Variants in SLC22A15 observed in about 807,000 individuals in gnomAD.
The protein encoded by SLC22A15 is flipt 1.
Under a neutral mutation model 62.7 loss-of-function variants are expected in SLC22A15, and 45 were observed. The ratio of observed to expected loss-of-function variants is 0.72; its 90% CI spans 0.56 to 0.92. The LOEUF is 0.92. Ranked by LOEUF, SLC22A15 falls within the 40% of genes least tolerant of loss-of-function variation. The pLI, the probability that SLC22A15 is intolerant of heterozygous loss-of-function variation, is 0.00. For synonymous variants in SLC22A15, 264 were observed against 267.0 expected (o/e 0.99, Z 0.11); for missense variants, 622 against 665.6 (o/e 0.93, Z 0.72).
chr1:115,985,643 AT>A (rs2101064579), intron 1 of SLC22A15, among the ~76,000 whole-genome samples: 1 of 152,054 alleles, frequency 6.6e-6, no homozygotes, highest in East Asian at 1.9e-4. Context: ...TGGTGTTACC[AT>A]TTTACTTGAA....
At chr1:116,024,208 G>C (rs528333940) in intron 4 of SLC22A15, among the ~76,000 whole-genome samples, 151 of 152,308 alleles carry the variant, frequency 9.9e-4, no homozygotes, top group African/African-American at 3.3e-3. Flanking sequence ...GAAGAAAGAG[G>C]ATGTGTCTGA....
At chr1:116,038,360 G>T (rs1433525191) in intron 8 of SLC22A15, among the ~76,000 whole-genome samples, 1 of 152,102 alleles carries the variant, frequency 6.6e-6, no homozygotes, top group Non-Finnish European at 1.5e-5. Flanking sequence ...GCTTCTTGTG[G>T]TTCATTTCTG....
chr1:116,054,488 C>G (rs1393982026), intron 8 of SLC22A15, among the ~76,000 whole-genome samples: 1 of 152,090 alleles, frequency 6.6e-6, no homozygotes. Context: ...CAACATTAGA[C>G]AGATCAACGA....
chr1:116,005,397 C>T (rs1655927199), intron 2 of SLC22A15, among the ~76,000 whole-genome samples: 1 of 152,052 alleles, frequency 6.6e-6, no homozygotes, highest in African/African-American at 2.4e-5. Flanking sequence ...TAGGATTGAT[C>T]TCCATAGGAT....
intron 1 of SLC22A15, among the ~76,000 whole-genome samples, chr1:115,981,563 T>C (rs1013492359): frequency 4.6e-5 from 7 of 152,140 alleles, no homozygotes; most frequent in African/African-American, 1.7e-4. Flanking sequence ...GGAAAACTGT[T>C]GTTGTCCATA....
chr1:115,976,531 C>G lies in SLC22A15; in HGVS notation c.-97C>G. The G allele has an allele frequency of 1.2e-6, 1 of 801,094 alleles. No individual in the cohort carries two copies. Among genetic ancestry groups the G allele is most frequent in the Non-Finnish European group, 1.8e-6 (1 of 553,266 alleles). 49.6% of individuals were successfully genotyped at this position (801,094 alleles called of 1,614,324 possible). ...CGCTTCCATCCCCGCCCCGGCGGGTCCAAGCCGGTGCCGGGCGCCCAGGGG... is the reference window on the plus strand; with the variant it reads ...CGCTTCCATCCCCGCCCCGGCGGGTGCAAGCCGGTGCCGGGCGCCCAGGGG... On this transcript the variant is annotated 5_prime_UTR_variant, in exon 1 of 12. Coordinates refer to ENST00000369503, the MANE Select transcript of SLC22A15 (RefSeq NM_018420.3).
At chr1:116,003,156 G>A (rs1655818790) in intron 2 of SLC22A15, among the ~76,000 whole-genome samples, 1 of 151,992 alleles carries the variant, frequency 6.6e-6, no homozygotes, top group Non-Finnish European at 1.5e-5. Flanking sequence ...CAGGAGTTAT[G>A]GCCTAGAATG....
chr1:116,004,706 A>G (rs1655890440), intron 2 of SLC22A15, among the ~76,000 whole-genome samples: 1 of 152,206 alleles, frequency 6.6e-6, no homozygotes, highest in African/African-American at 2.4e-5. Flanking sequence ...TGAATTGGAA[A>G]GTGTTCCCTT....
chr1:116,046,740 G>C lies in SLC22A15; in HGVS notation c.1171+9352G>C, dbSNP rs150641447. ...AATACTGAGTGCCCCAATTTCGGAA[G>C]TGGGAAAGGGAGATCCTCCTCTCCT... On this transcript the variant is annotated intron_variant, in intron 8 of 11. Coordinates refer to ENST00000369503, the MANE Select transcript of SLC22A15 (RefSeq NM_018420.3). 3.4e-3 allele frequency among the ~76,000 whole-genome samples: 511 copies of C among 152,306 alleles called. 1 individual carries two copies. The highest frequency in any genetic ancestry group is 0.011 in the African/African-American group (450 of 41,574).
chr1:116,047,764 T>C (rs1197001445), intron 8 of SLC22A15, among the ~76,000 whole-genome samples: 2 of 151,862 alleles, frequency 1.3e-5, no homozygotes, highest in East Asian at 1.9e-4. Flanking sequence ...CTCTGACAGA[T>C]AAAAGGTTAG....
At chr1:116,066,014 A>G (rs1658487931) in intron 10 of SLC22A15, among the ~76,000 whole-genome samples, 1 of 152,138 alleles carries the variant, frequency 6.6e-6, no homozygotes, top group South Asian at 2.1e-4. Flanking sequence ...TGGTTTTTTA[A>G]AAGAGTTTTT....
intron 5 of SLC22A15, among the ~76,000 whole-genome samples, chr1:116,027,725 A>C (rs936802412): frequency 6.6e-5 from 10 of 151,938 alleles, no homozygotes; most frequent in African/African-American, 2.4e-4. Context: ...TCCTGGGTTC[A>C]AGTGATTCTC....
intron 8 of SLC22A15, among the ~76,000 whole-genome samples, chr1:116,059,891 G>C (rs1271402435): frequency 1.3e-5 from 2 of 152,214 alleles, no homozygotes; most frequent in African/African-American, 4.8e-5. Context: ...TTCTGAAAAT[G>C]ATGTCTGTAG....
chr1:116,017,368 C>CAAAAAAAAAAAAAA (rs558402209), intron 2 of SLC22A15: 1 of 84,852 alleles, frequency 1.2e-5, no homozygotes. Context: ...GAAACCCTGC[C>CAAAAAAAAAAAAAA]AAAAAAAAAA....
intron 7 of SLC22A15, among the ~76,000 whole-genome samples, chr1:116,037,019 A>C (rs1657646850): frequency 6.6e-6 from 1 of 152,208 alleles, no homozygotes; most frequent in African/African-American, 2.4e-5. Context: ...AACATTTAAA[A>C]CAGTGTCTGA....
At position 116,069,004 on chromosome 1, in the gene SLC22A15, A is replaced by G. The variant is rs933683028; in HGVS notation, c.*1896A>G. 2 of 152,228 alleles carry G rather than the reference A, an allele frequency of 1.3e-5. No homozygotes were observed. The highest frequency in any genetic ancestry group is 2.4e-5 in the African/African-American group (1 of 41,462). 9.4% of individuals were successfully genotyped at this position (152,228 alleles called of 1,614,324 possible). On this transcript the variant is annotated 3_prime_UTR_variant, in exon 12 of 12. Transcript: ENST00000369503. ...TATCACCCATACGTCCAACATCGAA[A>G]GAAAACCAGTGTTATGACTTTGTTC...
chr1:116,015,318 G>A (rs1191723393), intron 2 of SLC22A15: 1 of 152,094 alleles, frequency 6.6e-6, no homozygotes, highest in Non-Finnish European at 1.5e-5. Flanking sequence ...TATTCCAAGA[G>A]TAATAGAGAG....
intron 8 of SLC22A15, among the ~76,000 whole-genome samples, chr1:116,042,975 T>C (rs1657830670): frequency 6.6e-6 from 1 of 152,182 alleles, no homozygotes; most frequent in South Asian, 2.1e-4. Flanking sequence ...AACAAGTTAG[T>C]TGACCAGACT....
intron 8 of SLC22A15, among the ~76,000 whole-genome samples, chr1:116,039,033 G>A (rs901697002): frequency 6.6e-6 from 1 of 152,132 alleles, no homozygotes; most frequent in Non-Finnish European, 1.5e-5. Flanking sequence ...GAAGGCAGAT[G>A]TATGGTCTCC....
Sources: allele counts gnomAD v4.1 joint callset (sites outside exome capture counted in the v4.1 genomes callset), GRCh38; gene constraint gnomAD v4.1.1; transcripts MANE v1.5; gene names NCBI Gene and HGNC (gene_info 2026-07-23, HGNC 2026-07-21).